The following MIER2 variants were observed in gnomAD, a reference collection of about 807,000 sequenced individuals.
The protein encoded by MIER2 is MIER family member 2.
MIER2 carries 30 observed loss-of-function variants against 67.6 expected under a neutral mutation model. The observed-to-expected ratio is 0.44, with a 90% CI of 0.33 to 0.60. The LOEUF (loss-of-function observed/expected upper bound fraction) is 0.60. Among genes scored for constraint, MIER2 ranks in the 20% least tolerant of loss-of-function variants. The pLI, the probability that MIER2 is intolerant of heterozygous loss-of-function variation, is 0.02. For synonymous variants in MIER2, 372 were observed against 312.6 expected (o/e 1.19, Z -2.00); for missense variants, 702 against 745.1 (o/e 0.94, Z 0.67).
rs749903598 is a variant in MIER2, at chr19:306,298, G to A, written c.*392C>T. On this transcript the variant is annotated 3_prime_UTR_variant, in exon 14 of 14. Transcript: ENST00000264819. ...GGAGGCTGCTGGTGCGGGGCAGGGC[G>A]TCCTGCCCGTCTCCCCGCCGGGGCA... is the stretch of plus-strand genomic sequence containing the variant. The A allele has an allele frequency of 3.6e-4, 96 of 265,204 alleles. No homozygotes were observed. Among genetic ancestry groups the A allele is most frequent in the Non-Finnish European group, 5.0e-4 (70 of 139,766 alleles). The allele number at this position is 265,204 out of a possible 1,614,324, so 16.4% of individuals were successfully genotyped here.
chr19:339,052 A>C (rs758998414), intron 1 of MIER2, among the ~76,000 whole-genome samples: 1 of 151,070 alleles, frequency 6.6e-6, no homozygotes, highest in Non-Finnish European at 1.5e-5. Context: ...ATGGTTTCTT[A>C]GATAAGACAC....
intron 7 of MIER2, among the ~76,000 whole-genome samples, chr19:323,928 C>T (rs1971611443): frequency 6.7e-6 from 1 of 150,280 alleles, no homozygotes; most frequent in African/African-American, 2.5e-5. Flanking sequence ...TAGGCGTCAT[C>T]ACAATGCAAT....
At chr19:326,704 C>T (rs1600151999) in intron 5 of MIER2, 106 bp from the exon 6 acceptor site, 7 of 911,240 alleles carry the variant, frequency 7.7e-6, no homozygotes, top group African/African-American at 3.3e-5. Flanking sequence ...CAGGCCATAA[C>T]CCTCTCTCTG....
intron 2 of MIER2, among the ~76,000 whole-genome samples, chr19:334,913 C>A (rs541727225): frequency 1.3e-5 from 2 of 152,320 alleles, no homozygotes; most frequent in South Asian, 2.1e-4. Context: ...TCACACCGGA[C>A]TCCATGACTC....
Position 321,047 on chromosome 19 carries a change from C to T in MIER2, c.655+4588G>A, listed in dbSNP as rs113821622. 5.8e-3 allele frequency among the ~76,000 whole-genome samples: 888 copies of T among 152,338 alleles called. 8 individuals carry two copies. Among genetic ancestry groups the T allele is most frequent in the African/African-American group, 0.02 (834 of 41,566 alleles). On this transcript the variant is annotated intron_variant, in intron 7 of 13. Coordinates refer to ENST00000264819, the MANE Select transcript of MIER2 (RefSeq NM_017550.3). ...CATTCAGTACACGGCAGGAAAGGCA[C>T]GTGCTCACAGTAAAAGATCTGAGAG...
chr19:324,532 C>T (rs1305617982), intron 7 of MIER2, among the ~76,000 whole-genome samples: 4 of 135,900 alleles, frequency 2.9e-5, no homozygotes, highest in Non-Finnish European at 4.6e-5. Context: ...CATCACAATG[C>T]AATAAAGACA....
chr19:310,763 C>CG (rs1334158387), intron 10 of MIER2, among the ~76,000 whole-genome samples: 1 of 137,624 alleles, frequency 7.3e-6, no homozygotes, highest in Non-Finnish European at 1.6e-5. Flanking sequence ...TACAGAAACA[C>CG]GGAGTCCATA....
chr19:343,768 C>A (rs1238499533), intron 1 of MIER2: 1 of 866,542 alleles, frequency 1.2e-6, no homozygotes, highest in Non-Finnish European at 1.4e-6. Context: ...TGCACTGAGT[C>A]CCACTGACTG....
chr19:331,360 G>GAAAAAA (rs917485905), intron 3 of MIER2, among the ~76,000 whole-genome samples: 3 of 117,956 alleles, frequency 2.5e-5, no homozygotes, highest in African/African-American at 3.2e-5. Flanking sequence ...TCTGTCCCCA[G>GAAAAAA]AAAAAAAAAA....
At chr19:316,629 G>A (rs1430566229) in intron 7 of MIER2, among the ~76,000 whole-genome samples, 2 of 152,174 alleles carry the variant, frequency 1.3e-5, no homozygotes, top group Non-Finnish European at 2.9e-5. Flanking sequence ...GCAGGGGGCA[G>A]GTAAATTGAG....
intron 7 of MIER2, among the ~76,000 whole-genome samples, chr19:321,286 G>A (rs1971490510): frequency 6.6e-6 from 1 of 152,218 alleles, no homozygotes; most frequent in Admixed American, 6.5e-5. Flanking sequence ...ATACACACAA[G>A]AGAGAACACT....
intron 1 of MIER2, among the ~76,000 whole-genome samples, chr19:338,143 G>A (rs1244183622): frequency 2.5e-5 from 3 of 118,680 alleles, no homozygotes; most frequent in Non-Finnish European, 4.8e-5. Flanking sequence ...CTGCACTCCA[G>A]CCTGGCAATA....
At chr19:307,051 C>G in intron 13 of MIER2, 68 bp downstream of exon 13, 1 of 1,498,454 alleles carries the variant, frequency 6.7e-7, no homozygotes, top group Non-Finnish European at 8.9e-7. Flanking sequence ...CCCTCCTCTG[C>G]TCAGCCTGAG....
chr19:321,343 C>T (rs570509418), intron 7 of MIER2, among the ~76,000 whole-genome samples: 3 of 152,258 alleles, frequency 2.0e-5, no homozygotes, highest in South Asian at 4.2e-4. Flanking sequence ...GTTAACTTAA[C>T]GTTTGAAAAT....
At chr19:322,584 G>C (rs1229795048) in intron 7 of MIER2, among the ~76,000 whole-genome samples, 1 of 152,072 alleles carries the variant, frequency 6.6e-6, no homozygotes, top group Non-Finnish European at 1.5e-5. Flanking sequence ...CCTGCGAAAG[G>C]TGCTCACCAG....
chr19:340,899 G>C lies in MIER2; in HGVS notation c.9+3875C>G, dbSNP rs569104475. Among the ~76,000 whole-genome samples the C allele has an allele frequency of 7.9e-5, 12 of 152,276 alleles. No individual in the cohort carries two copies. The South Asian group carries it at 1.9e-3, about 24-fold the overall frequency. On this transcript the variant is annotated intron_variant, in intron 1 of 13. Coordinates refer to ENST00000264819, the MANE Select transcript of MIER2 (RefSeq NM_017550.3). ...GAAGGAAGAGCCAGCAGGGCCCCCA[G>C]GGGGAAGGGGCCACGGGACTGGAAG... is the stretch of plus-strand genomic sequence containing the variant.
intron 7 of MIER2, 43 bp downstream of exon 7, chr19:325,592 T>C (rs1170823972): frequency 6.2e-7 from 1 of 1,610,542 alleles, no homozygotes. Context: ...GCCACTCCCC[T>C]TGCAGAAGTG....
intron 1 of MIER2, chr19:344,146 ACT>A: frequency 1.0e-6 from 1 of 985,102 alleles, no homozygotes; most frequent in South Asian, 4.7e-5. Flanking sequence ...GGCTGGTCCA[ACT>A]CTTCTGAGAT....
At chr19:310,747 C>T (rs372733095) in intron 10 of MIER2, among the ~76,000 whole-genome samples, 46 of 132,586 alleles carry the variant, frequency 3.5e-4, no homozygotes, top group Non-Finnish European at 5.6e-4. Context: ...AAACACAGCC[C>T]GGAGCTACAG....
Sources: allele counts gnomAD v4.1 joint callset (sites outside exome capture counted in the v4.1 genomes callset), GRCh38; gene constraint gnomAD v4.1.1; transcripts MANE v1.5; gene names NCBI Gene and HGNC (gene_info 2026-07-23, HGNC 2026-07-21).